The following LRP1B variants were observed in gnomAD, a reference collection of about 807,000 sequenced individuals.
LRP1B encodes the protein low-density lipoprotein receptor-related protein 1B.
A neutral mutation model predicts 556.6 loss-of-function variants in LRP1B; 217 were observed. That is an observed-to-expected ratio of 0.39 (90% CI 0.35 to 0.44). LRP1B has a LOEUF of 0.44. Ranked by LOEUF, LRP1B falls within the 20% of genes least tolerant of loss-of-function variation. The pLI, the probability that LRP1B is intolerant of heterozygous loss-of-function variation, is 1.00. For missense variants in LRP1B, 5,053 were observed against 5,620.8 expected (o/e 0.90, Z 3.23); for synonymous variants, 2,047 against 1,865.8 (o/e 1.10, Z -2.50).
intron 72 of LRP1B, among the ~76,000 whole-genome samples, chr2:140,363,224 AT>A (rs1682601122): frequency 6.6e-6 from 1 of 151,578 alleles, no homozygotes; most frequent in Non-Finnish European, 1.5e-5. Flanking sequence ...AATTAGCACA[AT>A]TTCTGGCACA....
chr2:141,441,820 T>C (rs1304208963), intron 3 of LRP1B, among the ~76,000 whole-genome samples: 2 of 152,214 alleles, frequency 1.3e-5, no homozygotes, highest in Non-Finnish European at 2.9e-5. Flanking sequence ...CAAGTTGAAC[T>C]GAGACTTCTT....
chr2:141,579,723 A>C (rs200542358), intron 2 of LRP1B, among the ~76,000 whole-genome samples: 4 of 31,140 alleles, frequency 1.3e-4, no homozygotes, highest in East Asian at 1.3e-3. Context: ...ATCAGGTTTC[A>C]CTTTTTTTTT....
Position 142,055,202 on chromosome 2 carries a change from C to T in LRP1B, c.82+75446G>A, listed in dbSNP as rs940913786. On this transcript the variant is annotated intron_variant, in intron 1 of 90. Transcript: ENST00000389484. ...ACAGACATATTCATAAATAGCTATA[C>T]GTAATATGAAAAAAAGGAATAGAGT... is the stretch of plus-strand genomic sequence containing the variant. Among the ~76,000 whole-genome samples the T allele has an allele frequency of 4.0e-5, 6 of 151,470 alleles. No individual in the cohort carries two copies. The East Asian group carries it at 5.8e-4, about 15-fold the overall frequency.
At chr2:141,786,220 T>C (rs1254910438) in intron 2 of LRP1B, among the ~76,000 whole-genome samples, 2 of 152,108 alleles carry the variant, frequency 1.3e-5, no homozygotes, top group Admixed American at 1.3e-4. Context: ...ATTAAACACA[T>C]CTTATTTTTT....
intron 2 of LRP1B, among the ~76,000 whole-genome samples, chr2:141,605,026 CG>C (rs1342136285): frequency 6.6e-6 from 1 of 151,960 alleles, no homozygotes; most frequent in African/African-American, 2.4e-5. Flanking sequence ...TAGTCTCTTG[CG>C]GCACGTAAGG....
chr2:140,320,782 C>A (rs1680070865), intron 82 of LRP1B, among the ~76,000 whole-genome samples: 2 of 152,132 alleles, frequency 1.3e-5, no homozygotes, highest in African/African-American at 4.8e-5. Flanking sequence ...GGGGTTCATG[C>A]CTGTAATCCC....
chr2:140,356,387 A>G lies in LRP1B; in HGVS notation c.11485T>C (p.Cys3829Arg), dbSNP rs1385405747. 6.2e-7 allele frequency: 1 copy of G among 1,611,150 alleles called. No homozygotes were observed. Among genetic ancestry groups the G allele is most frequent in the Non-Finnish European group, 8.5e-7 (1 of 1,177,958 alleles). ...NQIKTSVFCR[C>R]KPGFQRNMKN... ...ATGTTTCTCTGAAATCCAGGCTTAC[A>G]GCGACAGAAAACAGATGTTTTTATT... is the stretch of plus-strand genomic sequence containing the variant. The change falls in exon 75 of 91, where the codon TGT (cysteine) becomes CGT (arginine). Residue 3829 changes from cysteine (C) to arginine (R), a missense_variant. Cys to Arg is a radical substitution (Grantham distance 180, BLOSUM62 -3). Transcript: ENST00000389484.
chr2:140,578,523 A>C (rs755421277), intron 43 of LRP1B, among the ~76,000 whole-genome samples: 1 of 152,132 alleles, frequency 6.6e-6, no homozygotes, highest in Admixed American at 6.5e-5. Flanking sequence ...AGGCCTTTGC[A>C]TTTGCAGTGC....
intron 3 of LRP1B, among the ~76,000 whole-genome samples, chr2:141,358,642 T>C (rs72979046): frequency 0.044 from 6,753 of 152,306 alleles, 232 homozygotes; most frequent in African/African-American, 0.082. Flanking sequence ...GATTGTTAGT[T>C]CTACGAAATT....
At chr2:140,611,589 G>T (rs143314963) in intron 41 of LRP1B, among the ~76,000 whole-genome samples, 23 of 152,108 alleles carry the variant, frequency 1.5e-4, no homozygotes, top group African/African-American at 5.5e-4. Context: ...CAAAGAAAAG[G>T]AATAAGTACA....
intron 63 of LRP1B, among the ~76,000 whole-genome samples, chr2:140,445,952 A>G (rs1484144452): frequency 2.0e-5 from 3 of 152,168 alleles, no homozygotes; most frequent in Admixed American, 2.0e-4. Context: ...AGCATTTTAA[A>G]CTTTTTTGAG....
chr2:141,737,401 G>A (rs1693520058), intron 2 of LRP1B, among the ~76,000 whole-genome samples: 1 of 152,042 alleles, frequency 6.6e-6, no homozygotes, highest in Non-Finnish European at 1.5e-5. Flanking sequence ...ACAGCCCAGT[G>A]CTGACTTACA....
intron 66 of LRP1B, among the ~76,000 whole-genome samples, chr2:140,414,925 C>A (rs572199890): frequency 6.6e-6 from 1 of 152,188 alleles, no homozygotes; most frequent in Admixed American, 6.5e-5. Context: ...AATGGATGTG[C>A]AAATAGGAGA....
chr2:140,635,260 T>C (rs972459342), intron 41 of LRP1B, among the ~76,000 whole-genome samples: 1 of 152,032 alleles, frequency 6.6e-6, no homozygotes, highest in South Asian at 2.1e-4. Flanking sequence ...TTAAATGCTA[T>C]GTGAAGCTTT....
intron 77 of LRP1B, among the ~76,000 whole-genome samples, chr2:140,338,519 C>G (rs748947348): frequency 3.3e-5 from 5 of 151,660 alleles, no homozygotes; most frequent in Non-Finnish European, 5.9e-5. Context: ...TACTGAGCTT[C>G]ACAGGAATGA....
chr2:141,934,071 GCAAT>G (rs1207082255), intron 1 of LRP1B, among the ~76,000 whole-genome samples: 1 of 151,936 alleles, frequency 6.6e-6, no homozygotes, highest in African/African-American at 2.4e-5. Context: ...GACTACAAAA[GCAAT>G]CAATTATAAA....
intron 1 of LRP1B, among the ~76,000 whole-genome samples, chr2:142,011,925 T>C (rs192786911): frequency 1.9e-4 from 29 of 152,174 alleles, no homozygotes; most frequent in African/African-American, 6.7e-4. Flanking sequence ...AGGTAAATGG[T>C]CTAGGATTTA....
At chr2:142,079,052 T>A (rs1237751029) in intron 1 of LRP1B, among the ~76,000 whole-genome samples, 1 of 152,194 alleles carries the variant, frequency 6.6e-6, no homozygotes, top group Non-Finnish European at 1.5e-5. Flanking sequence ...TATTTTAACA[T>A]GATTCAAAGT....
chr2:140,563,784 T>C (rs1319220534), intron 43 of LRP1B, among the ~76,000 whole-genome samples: 1 of 152,232 alleles, frequency 6.6e-6, no homozygotes, highest in East Asian at 1.9e-4. Context: ...CCACTTATTA[T>C]ATCTTAATCC....
Sources: gnomAD v4.1 joint callset for allele counts (sites outside exome capture counted in the v4.1 genomes callset) on GRCh38, gnomAD v4.1.1 for gene constraint, MANE v1.5 for transcripts, NCBI Gene and HGNC (gene_info 2026-07-23, HGNC 2026-07-21) for gene names.